MEGF11: variants seen among roughly 807,000 people sequenced by gnomAD.
MEGF11 encodes multiple EGF like domains 11.
In MEGF11, 126 loss-of-function variants were observed where a neutral mutation model predicts 146.6. The ratio of observed to expected loss-of-function variants is 0.86; its 90% CI spans 0.74 to 1.00. The LOEUF (loss-of-function observed/expected upper bound fraction) is 1.00, where lower values mean the gene tolerates loss of function less well. MEGF11 is among the 50% of genes least tolerant of loss of function. The pLI, the probability that MEGF11 is intolerant of heterozygous loss-of-function variation, is 0.00. For missense variants in MEGF11, 1,509 were observed against 1,521.2 expected (o/e 0.99, Z 0.13); for synonymous variants, 532 against 583.4 (o/e 0.91, Z 1.27).
chr15:66,099,515 C>A (rs1204012052), intron 4 of MEGF11, among the ~76,000 whole-genome samples: 1 of 152,096 alleles, frequency 6.6e-6, no homozygotes, highest in East Asian at 1.9e-4. Flanking sequence ...GGTGCCCTTG[C>A]TGATTTGTAT....
intron 5 of MEGF11, among the ~76,000 whole-genome samples, chr15:66,072,022 C>T (rs1476454989): frequency 6.6e-6 from 1 of 152,240 alleles, no homozygotes; most frequent in Non-Finnish European, 1.5e-5. Flanking sequence ...GAGCTCTTCC[C>T]TGCTCATCCA....
chr15:66,064,162 G>T (rs1471250257), intron 5 of MEGF11, among the ~76,000 whole-genome samples: 7 of 152,180 alleles, frequency 4.6e-5, no homozygotes, highest in Admixed American at 4.6e-4. Flanking sequence ...GAGGTCAGGA[G>T]TTCGAGATCA....
intron 5 of MEGF11, among the ~76,000 whole-genome samples, chr15:66,058,226 A>G (rs1293152108): frequency 6.6e-6 from 1 of 152,204 alleles, no homozygotes; most frequent in African/African-American, 2.4e-5. Context: ...TCTCAGCCAT[A>G]TAACAGGGCA....
intron 1 of MEGF11, among the ~76,000 whole-genome samples, chr15:66,138,129 G>T (rs2088976800): frequency 6.6e-6 from 1 of 152,104 alleles, no homozygotes; most frequent in Non-Finnish European, 1.5e-5. Flanking sequence ...GGCCCTACAG[G>T]CAACTCCTCC....
intron 5 of MEGF11, among the ~76,000 whole-genome samples, chr15:66,067,652 G>A (rs775614671): frequency 5.9e-5 from 9 of 152,206 alleles, no homozygotes; most frequent in Admixed American, 3.9e-4. Context: ...CCACTGTAGG[G>A]AGGAATGACA....
At chr15:66,184,572 G>A (rs1239628850) in intron 1 of MEGF11, among the ~76,000 whole-genome samples, 8 of 65,816 alleles carry the variant, frequency 1.2e-4, no homozygotes, top group African/African-American at 6.3e-5. Flanking sequence ...CCCCGCCATC[G>A]CTACCTGCCC....
At chr15:65,966,158 A>G (rs151008943) in intron 8 of MEGF11, among the ~76,000 whole-genome samples, 153 of 152,106 alleles carry the variant, frequency 1.0e-3, no homozygotes, top group African/African-American at 3.6e-3. Context: ...GCCACGCCCA[A>G]CTAATTTTTG....
At chr15:66,018,879 G>C (rs1329006196) in intron 5 of MEGF11, among the ~76,000 whole-genome samples, 1 of 152,286 alleles carries the variant, frequency 6.6e-6, no homozygotes, top group East Asian at 1.9e-4. Flanking sequence ...GTGTAGAGCA[G>C]GAGAGAAGAG....
chr15:66,167,417 G>T (rs1026856253), intron 1 of MEGF11, among the ~76,000 whole-genome samples: 2 of 152,076 alleles, frequency 1.3e-5, no homozygotes, highest in East Asian at 3.9e-4. Flanking sequence ...CGAGGCGGGC[G>T]GATCACCTGA....
At chr15:66,006,531 G>A (rs1399159498) in intron 5 of MEGF11, among the ~76,000 whole-genome samples, 4 of 152,156 alleles carry the variant, frequency 2.6e-5, no homozygotes, top group African/African-American at 7.2e-5. Context: ...ATACATGGTG[G>A]GCCCAGGGAT....
intron 1 of MEGF11, among the ~76,000 whole-genome samples, chr15:66,165,472 G>A (rs1025986141): frequency 5.3e-5 from 8 of 152,178 alleles, no homozygotes; most frequent in African/African-American, 1.9e-4. Flanking sequence ...CACCAGCACA[G>A]AAGAGAGAAA....
intron 1 of MEGF11, among the ~76,000 whole-genome samples, chr15:66,190,461 G>A (rs2090839092): frequency 6.6e-6 from 1 of 152,168 alleles, no homozygotes; most frequent in South Asian, 2.1e-4. Flanking sequence ...TGAGCCCTTT[G>A]TGACCAAGGA....
Position 65,984,164 on chromosome 15 carries a change from C to T in MEGF11, c.395-1676G>A, listed in dbSNP as rs967046284. On this transcript the variant is annotated intron_variant, in intron 5 of 25. Transcript: ENST00000395614. ...AGTGAGTCTCACCCTATATTTTCCA[C>T]CTGCTATTACAGTGAGTAAAGCAAA... Among the ~76,000 whole-genome samples, 14 of 152,284 alleles carry T rather than the reference C, an allele frequency of 9.2e-5. 1 individual carries two copies. Among genetic ancestry groups the T allele is most frequent in the Admixed American group, 7.2e-4 (11 of 15,286 alleles).
chr15:65,915,442 C>A (rs745321347), intron 19 of MEGF11, 28 bp downstream of exon 19: 22 of 1,611,038 alleles, frequency 1.4e-5, no homozygotes, highest in Non-Finnish European at 1.8e-5. Flanking sequence ...TTTCCACAGA[C>A]CCCGGGGCTC....
intron 5 of MEGF11, among the ~76,000 whole-genome samples, chr15:65,984,368 T>C (rs1474105583): frequency 6.6e-6 from 1 of 151,310 alleles, no homozygotes; most frequent in African/African-American, 2.4e-5. Context: ...TCTACTAAAA[T>C]ACAAAAAATT....
intron 5 of MEGF11, among the ~76,000 whole-genome samples, chr15:66,066,759 G>A (rs188426381): frequency 2.0e-5 from 3 of 152,352 alleles, no homozygotes; most frequent in South Asian, 2.1e-4. Flanking sequence ...TCAGCCCACC[G>A]GGCTGAGGCT....
chr15:65,931,050 C>T, intron 10 of MEGF11, 107 bp from the exon 11 acceptor site: 1 of 1,291,932 alleles, frequency 7.7e-7, no homozygotes, highest in Non-Finnish European at 1.0e-6. Context: ...ATGTCCTAAT[C>T]CCTGGGATCT....
At chr15:65,945,779 C>T (rs138570256) in intron 10 of MEGF11, among the ~76,000 whole-genome samples, 10 of 152,274 alleles carry the variant, frequency 6.6e-5, no homozygotes, top group African/African-American at 2.2e-4. Flanking sequence ...ATTCAGCTCT[C>T]CTGGCTCCAT....
intron 10 of MEGF11, among the ~76,000 whole-genome samples, chr15:65,935,216 A>G (rs534833137): frequency 6.6e-6 from 1 of 151,310 alleles, no homozygotes; most frequent in Non-Finnish European, 1.5e-5. Context: ...GCTACTTGGG[A>G]GGCTGAGGCA....
Sources: allele counts gnomAD v4.1 joint callset (sites outside exome capture counted in the v4.1 genomes callset), GRCh38; gene constraint gnomAD v4.1.1; transcripts MANE v1.5; gene names NCBI Gene and HGNC (gene_info 2026-07-23, HGNC 2026-07-21).